LSAMP: variants seen among roughly 807,000 people sequenced by gnomAD.
LSAMP encodes limbic system associated membrane protein.
In LSAMP, 7 loss-of-function variants were observed where a neutral mutation model predicts 38.6. The ratio of observed to expected loss-of-function variants is 0.18; its 90% CI spans 0.10 to 0.34. The LOEUF (loss-of-function observed/expected upper bound fraction) is 0.34. Ranked by LOEUF, LSAMP falls within the 10% of genes least tolerant of loss-of-function variation. LSAMP has a pLI of 1.00. For missense variants in LSAMP, 313 were observed against 420.0 expected, an observed-to-expected ratio of 0.75 and a Z score of 2.23; for synonymous variants, 154 against 166.8, an observed-to-expected ratio of 0.92 and a Z score of 0.59.
At chr3:115,871,798 G>T (rs950589960) in intron 3 of LSAMP, among the ~76,000 whole-genome samples, 9 of 152,164 alleles carry the variant, frequency 5.9e-5, no homozygotes, top group African/African-American at 2.2e-4. Flanking sequence ...AGCAAAGCAG[G>T]AATACCATCT....
chr3:116,062,204 A>T (rs1941605776), intron 2 of LSAMP, among the ~76,000 whole-genome samples: 1 of 152,202 alleles, frequency 6.6e-6, no homozygotes, highest in Non-Finnish European at 1.5e-5. Flanking sequence ...ATGGCCACTG[A>T]TTTATACTCA....
intron 3 of LSAMP, among the ~76,000 whole-genome samples, chr3:115,982,787 CT>C (rs1362065100): frequency 6.6e-6 from 1 of 151,996 alleles, no homozygotes; most frequent in African/African-American, 2.4e-5. Flanking sequence ...TTTCAAGTAC[CT>C]GAGATTTATT....
intron 3 of LSAMP, among the ~76,000 whole-genome samples, chr3:115,928,709 G>T (rs896834665): frequency 6.6e-6 from 1 of 152,140 alleles, no homozygotes; most frequent in South Asian, 2.1e-4. Context: ...AAAGGAAAAG[G>T]GTGAGAGAAA....
chr3:115,901,521 G>T (rs1936873910), intron 3 of LSAMP, among the ~76,000 whole-genome samples: 1 of 152,038 alleles, frequency 6.6e-6, no homozygotes, highest in Non-Finnish European at 1.5e-5. Context: ...CCAACTTTTT[G>T]TTCTACTCCC....
intron 1 of LSAMP, among the ~76,000 whole-genome samples, chr3:116,284,082 T>C (rs546421333): frequency 1.3e-4 from 20 of 152,306 alleles, no homozygotes; most frequent in Admixed American, 4.6e-4. Context: ...TGTTTTAATA[T>C]GTGGTCAGGA....
chr3:116,271,908 TTATTC>T (rs1406027108), intron 1 of LSAMP, among the ~76,000 whole-genome samples: 1 of 151,066 alleles, frequency 6.6e-6, no homozygotes, highest in African/African-American at 2.4e-5. Flanking sequence ...TATTTCCTAT[TTATTC>T]TATTTGAAGT....
At chr3:115,913,230 G>A (rs1034660421) in intron 3 of LSAMP, among the ~76,000 whole-genome samples, 1 of 152,144 alleles carries the variant, frequency 6.6e-6, no homozygotes, top group African/African-American at 2.4e-5. Flanking sequence ...AAAAAAACTG[G>A]TCTTTATCAG....
At chr3:116,337,755 A>G (rs2047940588) in intron 1 of LSAMP, among the ~76,000 whole-genome samples, 1 of 152,014 alleles carries the variant, frequency 6.6e-6, no homozygotes, top group African/African-American at 2.4e-5. Flanking sequence ...TCCAGATCCA[A>G]GCAATAGCAG....
intron 3 of LSAMP, among the ~76,000 whole-genome samples, chr3:115,888,996 C>G (rs943435599): frequency 6.6e-6 from 1 of 151,830 alleles, no homozygotes; most frequent in African/African-American, 2.4e-5. Flanking sequence ...AGAGAATGGA[C>G]AGGAAGGGAA....
intron 6 of LSAMP, among the ~76,000 whole-genome samples, chr3:115,812,312 CA>C (rs1933863541): frequency 6.6e-6 from 1 of 152,088 alleles, no homozygotes; most frequent in Non-Finnish European, 1.5e-5. Flanking sequence ...ATCATATTAA[CA>C]AAAGGCACCT....
At chr3:116,296,526 A>G (rs1189343864) in intron 1 of LSAMP, among the ~76,000 whole-genome samples, 1 of 151,954 alleles carries the variant, frequency 6.6e-6, no homozygotes, top group Non-Finnish European at 1.5e-5. Context: ...CTAAAAAAAT[A>G]CAAAAAATTA....
At chr3:116,428,263 T>C (rs892927331) in intron 1 of LSAMP, among the ~76,000 whole-genome samples, 17 of 152,050 alleles carry the variant, frequency 1.1e-4, no homozygotes, top group Admixed American at 7.9e-4. Flanking sequence ...ATCAAGACCA[T>C]CCTGGCCAAC....
intron 2 of LSAMP, among the ~76,000 whole-genome samples, chr3:116,060,927 TAAAA>T (rs1166440785): frequency 6.6e-6 from 1 of 151,370 alleles, no homozygotes; most frequent in Non-Finnish European, 1.5e-5. Context: ...TAAAATAAAA[TAAAA>T]TAAATATAAA....
rs115216269 is a variant in LSAMP at position 115,845,757 on chromosome 3, T to C, written c.650-3179A>G. ...CATTTAGGTCTCCCTGACCACTCTTTTCCTTACTTCTCAATTTGTTTGGAA... is the reference window on the plus strand; with the variant it reads ...CATTTAGGTCTCCCTGACCACTCTTCTCCTTACTTCTCAATTTGTTTGGAA... On this transcript the variant is annotated intron_variant, in intron 4 of 6. Coordinates refer to ENST00000490035, the MANE Select transcript of LSAMP (RefSeq NM_002338.5). Among the ~76,000 whole-genome samples, 303 of 152,302 alleles carry C rather than the reference T, an allele frequency of 2.0e-3. 4 individuals are homozygous for C. The highest frequency in any genetic ancestry group is 6.7e-3 in the African/African-American group (277 of 41,568).
chr3:116,290,652 C>A (rs571753605), intron 1 of LSAMP, among the ~76,000 whole-genome samples: 53 of 151,648 alleles, frequency 3.5e-4, no homozygotes, highest in South Asian at 8.3e-4. Context: ...ATCCCTTGAA[C>A]CTGCGAGGCG....
intron 2 of LSAMP, among the ~76,000 whole-genome samples, chr3:116,057,951 A>ACC (rs1559726045): frequency 3.5e-5 from 4 of 115,172 alleles, no homozygotes; most frequent in African/African-American, 1.2e-4. Context: ...ACACACACAC[A>ACC]CACACCCACA....
intron 1 of LSAMP, among the ~76,000 whole-genome samples, chr3:116,135,785 C>T (rs1042061361): frequency 6.6e-6 from 1 of 152,134 alleles, no homozygotes; most frequent in Non-Finnish European, 1.5e-5. Context: ...TCCGTTGTTT[C>T]GATTACGAAG....
At chr3:115,849,995 G>A (rs193192998) in intron 4 of LSAMP, among the ~76,000 whole-genome samples, 5 of 152,244 alleles carry the variant, frequency 3.3e-5, no homozygotes, top group Admixed American at 3.3e-4. Flanking sequence ...TCAGGCACAT[G>A]CTAGGTCCTG....
intron 3 of LSAMP, among the ~76,000 whole-genome samples, chr3:115,854,179 T>G (rs1029445293): frequency 2.6e-5 from 4 of 151,574 alleles, no homozygotes; most frequent in African/African-American, 9.7e-5. Context: ...TCTGAAGTTC[T>G]GCACATTATC....
Sources: gnomAD v4.1 joint callset for allele counts (sites outside exome capture counted in the v4.1 genomes callset) on GRCh38, gnomAD v4.1.1 for gene constraint, MANE v1.5 for transcripts, NCBI Gene and HGNC (gene_info 2026-07-23, HGNC 2026-07-21) for gene names.